Variants in PIK3R3 observed in about 807,000 individuals in gnomAD.
PIK3R3 encodes the protein phosphoinositide-3-kinase regulatory subunit 3.
Under a neutral mutation model 62.9 loss-of-function variants are expected in PIK3R3, and 64 were observed. The ratio of observed to expected loss-of-function variants is 1.02; its 90% CI spans 0.83 to 1.25. The LOEUF (loss-of-function observed/expected upper bound fraction) is 1.25, where lower values mean the gene tolerates loss of function less well. Ranked by LOEUF, PIK3R3 falls within the 50% of genes most tolerant of loss-of-function variation. The probability of loss-of-function intolerance (pLI) is 0.00; values close to 1 mark genes in which losing one functional copy is unlikely to be tolerated. For synonymous variants in PIK3R3, 165 were observed against 189.0 expected, an observed-to-expected ratio of 0.87 and a Z score of 1.04; for missense variants, 614 against 561.6, an observed-to-expected ratio of 1.09 and a Z score of -0.94.
intron 1 of PIK3R3, among the ~76,000 whole-genome samples, chr1:46,102,176 G>A (rs1486663809): frequency 4.0e-5 from 6 of 151,494 alleles, no homozygotes; most frequent in Admixed American, 2.0e-4. Context: ...TAGTAGAGAC[G>A]GGGTTTCACC....
intron 3 of PIK3R3, among the ~76,000 whole-genome samples, chr1:46,068,218 T>C (rs771165012): frequency 2.6e-5 from 4 of 152,314 alleles, no homozygotes; most frequent in Non-Finnish European, 4.4e-5. Flanking sequence ...TCATATACAG[T>C]TACTATAAAT....
chr1:46,083,371 TAACA>T (rs1399034684), intron 1 of PIK3R3, among the ~76,000 whole-genome samples: 1 of 151,888 alleles, frequency 6.6e-6, no homozygotes, highest in Non-Finnish European at 1.5e-5. Flanking sequence ...ACACTGAAAA[TAACA>T]AACAAGAAAA....
At chr1:46,167,951 T>A in the PIK3R3 span, among the ~76,000 whole-genome samples, 1 of 151,974 alleles carries the variant, frequency 6.6e-6, no homozygotes, top group Non-Finnish European at 1.5e-5. Flanking sequence ...AAATCAGGAG[T>A]TTGAGACCAG....
Position 46,115,933 on chromosome 1 carries a change from G to A in PIK3R3, c.106+15914C>T, listed in dbSNP as rs141194699. Among the ~76,000 whole-genome samples, 147 of 152,286 alleles carry A rather than the reference G, an allele frequency of 9.7e-4. 2 individuals are homozygous for A. Among genetic ancestry groups the A allele is most frequent in the African/African-American group, 3.5e-3 (146 of 41,556 alleles). ...TACTCACGGAATAGAAACTTAATAG[G>A]TTTGAGAAGGGTTACAAAAGAAACG... On this transcript the variant is annotated intron_variant, in intron 1 of 9. Coordinates refer to ENST00000262741, the MANE Select transcript of PIK3R3 (RefSeq NM_003629.4).
At position 46,132,168 on chromosome 1, in the gene PIK3R3, T is replaced by A. The variant is rs1272315376; in HGVS notation, c.-216A>T. Reference sequence around the variant, plus strand: ...AAAATGCCCCCGAACTTTCAAGCTATGGGCTTTTCTCCTCAGAGGATTACA... The same window carrying A: ...AAAATGCCCCCGAACTTTCAAGCTAAGGGCTTTTCTCCTCAGAGGATTACA... On this transcript the variant is annotated 5_prime_UTR_variant, in exon 1 of 10. Transcript: ENST00000262741. 6 of 1,328,088 alleles carry A rather than the reference T, an allele frequency of 4.5e-6. No individual in the cohort carries two copies. Among genetic ancestry groups the A allele is most frequent in the Non-Finnish European group, 5.8e-6 (6 of 1,036,130 alleles). The allele number at this position is 1,328,088 out of a possible 1,614,324, so 82.3% of individuals were successfully genotyped here.
At chr1:46,163,943 T>C in the PIK3R3 span, among the ~76,000 whole-genome samples, 8 of 152,206 alleles carry the variant, frequency 5.3e-5, no homozygotes, top group African/African-American at 1.9e-4. Context: ...CCAGAGAAAC[T>C]GCCTGGCTGA....
the PIK3R3 span, among the ~76,000 whole-genome samples, chr1:46,156,244 T>G: frequency 1.3e-5 from 2 of 151,470 alleles, no homozygotes; most frequent in Non-Finnish European, 3.0e-5. Context: ...AAAAATTTCC[T>G]GTTTAAAAAA....
chr1:46,052,979 A>G (rs769644311), intron 7 of PIK3R3, among the ~76,000 whole-genome samples: 3 of 152,230 alleles, frequency 2.0e-5, no homozygotes, highest in Non-Finnish European at 4.4e-5. Flanking sequence ...AGCAATGCTA[A>G]TATGAGACAC....
At position 46,077,553 on chromosome 1, in the gene PIK3R3, G is replaced by A; in HGVS notation, c.276C>T (p.Ala92=). 1 of 1,612,472 alleles carries A rather than the reference G, an allele frequency of 6.2e-7. No homozygotes were observed. Among genetic ancestry groups the A allele is most frequent in the Non-Finnish European group, 8.5e-7 (1 of 1,178,664 alleles). ...MPDGTFLVRD[A]STKMQGDYTL... Reference sequence around the variant, plus strand: ...TATAATCTCCCTGCATTTTTGTTGAGGCATCTCGGACCAAGAAGGTCCCAT... The same window carrying A: ...TATAATCTCCCTGCATTTTTGTTGAAGCATCTCGGACCAAGAAGGTCCCAT... The change falls in exon 3 of 10, where the codon GCC becomes GCT. Residue 92 remains alanine, a synonymous_variant. Coordinates refer to ENST00000262741, the MANE Select transcript of PIK3R3 (RefSeq NM_003629.4).
chr1:46,115,594 G>T (rs936223481), intron 1 of PIK3R3, among the ~76,000 whole-genome samples: 1 of 152,152 alleles, frequency 6.6e-6, no homozygotes, highest in Non-Finnish European at 1.5e-5. Context: ...CTAGGAACCA[G>T]TCCCAGTTAG....
the PIK3R3 span, among the ~76,000 whole-genome samples, chr1:46,158,909 CA>C: frequency 4.6e-3 from 692 of 152,030 alleles, 8 homozygotes; most frequent in African/African-American, 0.016. Context: ...AATATGGTGA[CA>C]CCCCGTCTCT....
chr1:46,056,010 T>C (rs149121656), intron 6 of PIK3R3, 39 bp from the exon 7 acceptor site: 903 of 1,404,470 alleles, frequency 6.4e-4, no homozygotes, highest in Non-Finnish European at 8.3e-4. Flanking sequence ...AAAATAGAAA[T>C]CAAGCAGACA....
chr1:46,066,540 C>T (rs1649006298), intron 4 of PIK3R3, among the ~76,000 whole-genome samples: 1 of 152,162 alleles, frequency 6.6e-6, no homozygotes, highest in Admixed American at 6.5e-5. Context: ...TAAGTATGCA[C>T]TAGGCGCAAT....
At chr1:46,072,920 CAGAG>C (rs1179112286) in intron 3 of PIK3R3, among the ~76,000 whole-genome samples, 2 of 150,802 alleles carry the variant, frequency 1.3e-5, no homozygotes, top group African/African-American at 4.9e-5. Flanking sequence ...GCCTGAGTGA[CAGAG>C]AGAGACCCTG....
At position 46,132,305 on chromosome 1, in the gene PIK3R3, C is replaced by A. The variant is rs74072314; in HGVS notation, c.-353G>T. ...CTCCCACCGCCTCCAAATCTTTCCG[C>A]GGAAGCCACTTTTGTGTCCTTCGAA... On this transcript the variant is annotated 5_prime_UTR_variant, in exon 1 of 10. Coordinates refer to ENST00000262741, the MANE Select transcript of PIK3R3 (RefSeq NM_003629.4). 3.2e-3 allele frequency: 3,568 copies of A among 1,108,758 alleles called. 84 individuals are homozygous for A. In the African/African-American group the frequency reaches 0.056, roughly 17 times the overall value. 68.7% of individuals were successfully genotyped at this position (1,108,758 alleles called of 1,614,324 possible). A position where few individuals can be genotyped will look rare whatever the true frequency, so the allele number is the denominator to read the frequency against.
chr1:46,087,374 G>C (rs1651172156), intron 1 of PIK3R3, among the ~76,000 whole-genome samples: 2 of 151,600 alleles, frequency 1.3e-5, no homozygotes, highest in African/African-American at 4.8e-5. Flanking sequence ...AGCTCGCTGA[G>C]AATAGGGGTG....
chr1:46,062,416 A>T (rs1047194022), intron 5 of PIK3R3, among the ~76,000 whole-genome samples: 1 of 152,140 alleles, frequency 6.6e-6, no homozygotes, highest in East Asian at 1.9e-4. Flanking sequence ...CTCTACTAAA[A>T]ATACAAAAAT....
At chr1:46,119,811 T>C (rs1654507761) in intron 1 of PIK3R3, among the ~76,000 whole-genome samples, 1 of 145,696 alleles carries the variant, frequency 6.9e-6, no homozygotes. Context: ...AGGGTCTCGC[T>C]CTGTCACCCA....
intron 9 of PIK3R3, among the ~76,000 whole-genome samples, chr1:46,045,589 A>G (rs997052319): frequency 7.2e-6 from 1 of 139,858 alleles, no homozygotes; most frequent in Non-Finnish European, 1.5e-5. Flanking sequence ...CATACTAGAC[A>G]TATAGGATAC....
Sources: gnomAD v4.1 joint callset for allele counts (sites outside exome capture counted in the v4.1 genomes callset) on GRCh38, gnomAD v4.1.1 for gene constraint, MANE v1.5 for transcripts, NCBI Gene and HGNC (gene_info 2026-07-23, HGNC 2026-07-21) for gene names.